The following NXPH1 variants were observed in gnomAD, a reference collection of about 807,000 sequenced individuals.
NXPH1 encodes the protein neurexophilin-1.
A neutral mutation model predicts 23.7 loss-of-function variants in NXPH1; 5 were observed. The observed-to-expected ratio is 0.21, with a 90% CI of 0.11 to 0.44. NXPH1 has a LOEUF of 0.44. Among genes scored for constraint, NXPH1 ranks in the 20% least tolerant of loss-of-function variants. The pLI is 0.99. For missense variants in NXPH1, 324 were observed against 321.6 expected (o/e 1.01, Z -0.06); for synonymous variants, 144 against 122.2 (o/e 1.18, Z -1.18).
At chr7:8,609,669 T>C (rs1004033609) in intron 2 of NXPH1, among the ~76,000 whole-genome samples, 1 of 152,174 alleles carries the variant, frequency 6.6e-6, no homozygotes, top group African/African-American at 2.4e-5. Context: ...ATGTCCTCCA[T>C]TGTGTTGTAG....
At chr7:8,663,184 A>G (rs928130151) in intron 2 of NXPH1, among the ~76,000 whole-genome samples, 2 of 152,210 alleles carry the variant, frequency 1.3e-5, no homozygotes, top group African/African-American at 4.8e-5. Flanking sequence ...GTTTGTGAGT[A>G]TCTAAATTCT....
chr7:8,552,745 A>G (rs766011895), intron 2 of NXPH1, among the ~76,000 whole-genome samples: 1 of 151,546 alleles, frequency 6.6e-6, no homozygotes, highest in Non-Finnish European at 1.5e-5. Flanking sequence ...ACTGCACTGT[A>G]TTTATTTCCA....
At chr7:8,565,394 C>A (rs1818523222) in intron 2 of NXPH1, among the ~76,000 whole-genome samples, 2 of 151,684 alleles carry the variant, frequency 1.3e-5, no homozygotes, top group Admixed American at 6.6e-5. Flanking sequence ...AGACATAAGT[C>A]AATAGAGAAA....
chr7:8,575,486 A>G (rs1001478046), intron 2 of NXPH1, among the ~76,000 whole-genome samples: 2 of 152,186 alleles, frequency 1.3e-5, no homozygotes, highest in African/African-American at 4.8e-5. Context: ...AAGCATAGAA[A>G]TTCTTTTAAA....
intron 2 of NXPH1, among the ~76,000 whole-genome samples, chr7:8,646,315 T>C (rs963486324): frequency 2.6e-5 from 4 of 152,166 alleles, no homozygotes; most frequent in African/African-American, 4.8e-5. Context: ...CAATGGATTT[T>C]TGTACGTTTA....
rs181273747 is a variant in NXPH1 at position 8,445,614 on chromosome 7, C to A, written c.54+9847C>A. 7.1e-4 allele frequency among the ~76,000 whole-genome samples: 108 copies of A among 152,278 alleles called. 1 individual carries two copies. The highest frequency in any genetic ancestry group is 2.5e-3 in the African/African-American group (103 of 41,558). On this transcript the variant is annotated intron_variant, in intron 2 of 2. Coordinates refer to ENST00000405863, the MANE Select transcript of NXPH1 (RefSeq NM_152745.3). ...TAAGAGGTTATTGGCACAAAAATTA[C>A]GACAAAGATTTAGAGAAAATTTCCT...
At chr7:8,583,176 C>T (rs1387848536) in intron 2 of NXPH1, among the ~76,000 whole-genome samples, 1 of 152,334 alleles carries the variant, frequency 6.6e-6, no homozygotes, top group South Asian at 2.1e-4. Flanking sequence ...GGACTCCCAT[C>T]CTGACTTCTA....
intron 2 of NXPH1, among the ~76,000 whole-genome samples, chr7:8,746,535 G>T (rs1477510755): frequency 2.0e-5 from 3 of 152,080 alleles, no homozygotes; most frequent in Admixed American, 6.6e-5. Context: ...TACTTTATTT[G>T]CCATATATTT....
intron 2 of NXPH1, among the ~76,000 whole-genome samples, chr7:8,479,278 G>A (rs191706336): frequency 2.0e-5 from 3 of 152,212 alleles, no homozygotes; most frequent in Non-Finnish European, 2.9e-5. Context: ...TAACTTCATT[G>A]GTGGTGGTAG....
intron 2 of NXPH1, among the ~76,000 whole-genome samples, chr7:8,486,366 A>G (rs150604419): frequency 6.6e-6 from 1 of 152,290 alleles, no homozygotes; most frequent in East Asian, 1.9e-4. Context: ...TTACCTTCCA[A>G]ACTCAGTCTG....
intron 2 of NXPH1, among the ~76,000 whole-genome samples, chr7:8,513,001 C>G (rs1242641750): frequency 2.0e-5 from 3 of 151,984 alleles, no homozygotes; most frequent in African/African-American, 7.2e-5. Flanking sequence ...CAGTATCGAC[C>G]CTCAGTCTCT....
chr7:8,738,715 G>A (rs2115225239), intron 2 of NXPH1, among the ~76,000 whole-genome samples: 1 of 152,282 alleles, frequency 6.6e-6, no homozygotes, highest in African/African-American at 2.4e-5. Flanking sequence ...TGCCAAAGCT[G>A]TGCCCACAGC....
chr7:8,579,360 TTTG>T lies in NXPH1; in HGVS notation c.54+143596_54+143598del, dbSNP rs1818820218. ...TAAGATTCATGGAATTCAAGTTTTT[TTTG>T]TTTTTTTTTTTTGTTTTGTTTTTCT... On this transcript the variant is annotated intron_variant, in intron 2 of 2. Transcript: ENST00000405863. Among the ~76,000 whole-genome samples, 12 of 124,598 alleles carry T rather than the reference TTTG, an allele frequency of 9.6e-5. No homozygotes were observed. The South Asian group carries it at 2.8e-3, about 29-fold the overall frequency. The allele number at this position is 124,598 out of a possible 152,430, so 81.7% of individuals were successfully genotyped here.
intron 2 of NXPH1, among the ~76,000 whole-genome samples, chr7:8,541,022 G>A (rs576563340): frequency 6.6e-6 from 1 of 151,806 alleles, no homozygotes; most frequent in South Asian, 2.1e-4. Context: ...GATCTACAAT[G>A]TCTGGCATTT....
chr7:8,475,754 T>G (rs1336658938), intron 2 of NXPH1, among the ~76,000 whole-genome samples: 1 of 152,212 alleles, frequency 6.6e-6, no homozygotes, highest in Non-Finnish European at 1.5e-5. Flanking sequence ...TCTTGTCTTT[T>G]GCTCCTGTTA....
intron 2 of NXPH1, among the ~76,000 whole-genome samples, chr7:8,561,274 T>C (rs926141588): frequency 1.3e-5 from 2 of 151,066 alleles, no homozygotes; most frequent in Non-Finnish European, 3.0e-5. Flanking sequence ...CTGAGCTAGC[T>C]GTATAGCAAA....
chr7:8,530,972 G>C (rs1240221227), intron 2 of NXPH1, among the ~76,000 whole-genome samples: 1 of 152,180 alleles, frequency 6.6e-6, no homozygotes, highest in Non-Finnish European at 1.5e-5. Context: ...TGCTTCAAAA[G>C]AGGACAGAAT....
intron 2 of NXPH1, among the ~76,000 whole-genome samples, chr7:8,739,876 C>A (rs1780331709): frequency 1.3e-5 from 2 of 152,098 alleles, no homozygotes; most frequent in African/African-American, 4.8e-5. Context: ...TAGGCCTACA[C>A]AGGGTCAGCA....
chr7:8,501,683 T>A (rs756690340), intron 2 of NXPH1, among the ~76,000 whole-genome samples: 1 of 151,916 alleles, frequency 6.6e-6, no homozygotes, highest in Non-Finnish European at 1.5e-5. Context: ...GTCATAGAGG[T>A]TTAGAGCAAG....
Sources: allele counts gnomAD v4.1 joint callset (sites outside exome capture counted in the v4.1 genomes callset), GRCh38; gene constraint gnomAD v4.1.1; transcripts MANE v1.5; gene names NCBI Gene and HGNC (gene_info 2026-07-23, HGNC 2026-07-21).